NEK8: variants seen among roughly 807,000 people sequenced by gnomAD.
NEK8 encodes NIMA related kinase 8, also known as serine/threonine-protein kinase Nek8.
A neutral mutation model predicts 77.2 loss-of-function variants in NEK8; 51 were observed. The ratio of observed to expected loss-of-function variants is 0.66; its 90% CI spans 0.53 to 0.83. NEK8 has a LOEUF of 0.83. Among genes scored for constraint, NEK8 ranks in the 40% least tolerant of loss-of-function variants. The pLI is 0.00. For missense variants in NEK8, 787 were observed against 909.2 expected, an observed-to-expected ratio of 0.87 and a Z score of 1.73; for synonymous variants, 365 against 363.2, an observed-to-expected ratio of 1.00 and a Z score of -0.06.
rs752799407 is a variant in NEK8, at chr17:28,741,187, G to A, written c.1842G>A (p.Lys614=). The stretch of plus-strand genomic sequence containing the variant: ...AGGTCCAAGGCCTTGAGGGCATCAA[G>A]ATGGCAATGGTAGCCTGTGGGGATG... The part of the protein sequence containing the change: ...PCKVQGLEGI[K]MAMVACGDAF... Residue 614 remains lysine (K), a synonymous_variant, in exon 13 of 15, where the codon AAG becomes AAA. Coordinates refer to ENST00000268766, the MANE Select transcript of NEK8 (RefSeq NM_178170.3). This position sits in a 1 kb window ranked among gnomAD's most constrained non-coding sequence, Gnocchi z 4.5. 2 of 1,613,466 alleles carry A rather than the reference G, an allele frequency of 1.2e-6. No homozygotes were observed. The highest frequency in any genetic ancestry group is 4.5e-5 in the East Asian group (2 of 44,872).
rs371087767 is a variant in NEK8 at position 28,741,111 on chromosome 17, A to G, written c.1766A>G (p.Gln589Arg). 28 of 1,614,082 alleles carry G rather than the reference A, an allele frequency of 1.7e-5. No homozygotes were observed. Among genetic ancestry groups the G allele is most frequent in the Non-Finnish European group, 2.4e-5 (28 of 1,180,044 alleles). ...SGDCYTFGSNQHGQLGTNTRR... is the reference protein window; with the variant it reads ...SGDCYTFGSNRHGQLGTNTRR... ...GATTGCTACACTTTTGGCAGCAATC[A>G]GCACGGACAGTTGGGCACCAATACT... Residue 589 changes from glutamine to arginine, a missense_variant, in exon 13 of 15, where the codon CAG becomes CGG. By Grantham distance (43) the Gln-to-Arg change is conservative. Coordinates refer to ENST00000268766, the MANE Select transcript of NEK8 (RefSeq NM_178170.3). This position sits in a 1 kb window ranked among gnomAD's most constrained non-coding sequence, Gnocchi z 4.5.
Position 28,735,387 on chromosome 17 carries a change from C to T in NEK8, c.618+16C>T. 6 of 1,611,694 alleles carry T rather than the reference C, an allele frequency of 3.7e-6. No individual in the cohort carries two copies. Among genetic ancestry groups the T allele is most frequent in the Non-Finnish European group, 5.1e-6 (6 of 1,179,220 alleles). On this transcript the variant is annotated intron_variant, in intron 4 of 14. Transcript: ENST00000268766. ...CGAGGCTGCGGTGAGTGTATGCACCCTCCAGGGGACAACTGAGAAATCTAC... is the reference window on the plus strand; with the variant it reads ...CGAGGCTGCGGTGAGTGTATGCACCTTCCAGGGGACAACTGAGAAATCTAC...
chr17:28,739,854 T>C (rs751077712), intron 10 of NEK8, among the ~76,000 whole-genome samples: 9 of 152,184 alleles, frequency 5.9e-5, no homozygotes, highest in Admixed American at 1.3e-4. Flanking sequence ...GGACTCAGTC[T>C]AGTGGGAGAA....
chr17:28,733,507 T>G (rs1403954746), intron 1 of NEK8, among the ~76,000 whole-genome samples: 1 of 152,196 alleles, frequency 6.6e-6, no homozygotes. Flanking sequence ...AATGTTGTAG[T>G]CCCTGCTTTT....
In NEK8 at chr17:28,737,539, C is replaced by T. The variant is rs1183418203; in HGVS notation, c.827+25C>T. On this transcript the variant is annotated intron_variant, in intron 5 of 14. Coordinates refer to ENST00000268766, the MANE Select transcript of NEK8 (RefSeq NM_178170.3). This position sits in a 1 kb window ranked among gnomAD's most constrained non-coding sequence, Gnocchi z 4.8. The stretch of plus-strand genomic sequence containing the variant: ...GGCCTGTGCAGGGACAGCGAGCGGT[C>T]CTGGGCGGCAGGGTGTGGGCACCCA... 6.2e-7 allele frequency: 1 copy of T among 1,612,864 alleles called. No homozygotes were observed. The highest frequency in any genetic ancestry group is 8.5e-7 in the Non-Finnish European group (1 of 1,179,606).
intron 1 of NEK8, chr17:28,732,839 A>T (rs1186882342): frequency 2.0e-5 from 3 of 151,086 alleles, no homozygotes; most frequent in East Asian, 3.9e-4. Flanking sequence ...AGTGTGAGCC[A>T]TTTCGCCCGG....
chr17:28,732,871 C>T (rs1168062925), intron 1 of NEK8: 2 of 149,614 alleles, frequency 1.3e-5, no homozygotes, highest in African/African-American at 2.5e-5. Flanking sequence ...TTTCAAGTGT[C>T]TGTTTTTTTG....
chr17:28,740,898 A>G lies in NEK8; in HGVS notation c.1645A>G (p.Ser549Gly). The G allele has an allele frequency of 1.9e-6, 3 of 1,614,084 alleles. No homozygotes were observed. The highest frequency in any genetic ancestry group is 2.5e-6 in the Non-Finnish European group (3 of 1,180,018). The part of the protein sequence containing the change: ...VPHQQVEEAL[S>G]FTLLGSAPLD... ...CCACCAGCAAGTGGAGGAGGCCCTGAGCTTCACACTACTAGGCTCTGCACC... is the reference window on the plus strand; with the variant it reads ...CCACCAGCAAGTGGAGGAGGCCCTGGGCTTCACACTACTAGGCTCTGCACC... The change falls in exon 12 of 15, where the codon AGC becomes GGC. Residue 549 changes from serine to glycine, a missense_variant. Physicochemically the swap from Ser to Gly is moderately conservative, Grantham distance 56. Coordinates refer to ENST00000268766, the MANE Select transcript of NEK8 (RefSeq NM_178170.3). This position sits in a 1 kb window ranked among gnomAD's most constrained non-coding sequence, Gnocchi z 4.7.
rs2034423174 is a variant in NEK8 at position 28,741,528 on chromosome 17, T to G, written c.2007T>G (p.Thr669=). The change falls in exon 14 of 15, where the codon ACT becomes ACG. Residue 669 remains threonine (T), a synonymous_variant. Transcript: ENST00000268766. The surrounding 1 kb of genome is among the most constrained non-coding windows in gnomAD (Gnocchi z 4.5). ...QLDETHPYTV[T]SVSCCHGNTL... ...ATGAGACACACCCTTACACGGTGAC[T>G]TCCGTGTCCTGTTGCCATGGAAACA... is the stretch of plus-strand genomic sequence containing the variant. 2 of 1,614,030 alleles carry G rather than the reference T, an allele frequency of 1.2e-6. No homozygotes were observed. The highest frequency in any genetic ancestry group is 1.3e-5 in the African/African-American group (1 of 74,898).
At position 28,737,225 on chromosome 17, in the gene NEK8, T is replaced by C; in HGVS notation, c.619-81T>C. ...AGCATGATGCCTCCAGGCAAAGCTG[T>C]TATTATCCCAGGAGACCAGGGGCTG... On this transcript the variant is annotated intron_variant, in intron 4 of 14. Transcript: ENST00000268766. This position sits in a 1 kb window ranked among gnomAD's most constrained non-coding sequence, Gnocchi z 4.8. The C allele has an allele frequency of 7.0e-7, 1 of 1,430,580 alleles. No individual in the cohort carries two copies. Among genetic ancestry groups the C allele is most frequent in the South Asian group, 1.2e-5 (1 of 81,426 alleles). The allele number at this position is 1,430,580 out of a possible 1,614,324, so 88.6% of individuals were successfully genotyped here. A position where few individuals can be genotyped will look rare whatever the true frequency, so the allele number is the denominator to read the frequency against.
intron 4 of NEK8, among the ~76,000 whole-genome samples, chr17:28,735,927 TC>T (rs1246124388): frequency 1.1e-5 from 1 of 91,880 alleles, no homozygotes; most frequent in African/African-American, 4.3e-5. Flanking sequence ...CCCTTCCCCC[TC>T]CCCCCACCCC....
In NEK8 at chr17:28,734,133, C is replaced by T. The variant is rs779265033; in HGVS notation, c.198C>T (p.Tyr66=). 52 of 1,614,108 alleles carry T rather than the reference C, an allele frequency of 3.2e-5. No homozygotes were observed. The highest frequency in any genetic ancestry group is 3.9e-5 in the Non-Finnish European group (46 of 1,180,034). Residue 66 remains tyrosine, a synonymous_variant, in exon 2 of 15, where the codon TAC becomes TAT. Coordinates refer to ENST00000268766, the MANE Select transcript of NEK8 (RefSeq NM_178170.3). ...KLLNHPNVIE[Y]YENFLEDKAL... is the part of the protein sequence containing the mutation. Reference sequence around the variant, plus strand: ...TCAACCACCCCAATGTCATTGAGTACTACGAGAACTTCCTGGAAGACAAAG... The same window carrying T: ...TCAACCACCCCAATGTCATTGAGTATTACGAGAACTTCCTGGAAGACAAAG...
At chr17:28,728,884 A>C in intron 1 of NEK8, 24 bp downstream of exon 1, 1 of 1,542,792 alleles carries the variant, frequency 6.5e-7, no homozygotes, top group Non-Finnish European at 8.8e-7. Flanking sequence ...CTGGGGGAGG[A>C]AACTGCTAGG....
chr17:28,728,980 C>A, intron 1 of NEK8, 120 bp downstream of exon 1: 1 of 947,628 alleles, frequency 1.1e-6, no homozygotes, highest in Non-Finnish European at 1.6e-6. Flanking sequence ...CTCTGGGAAG[C>A]CCCGCCCAAG....
At position 28,738,667 on chromosome 17, in the gene NEK8, C is replaced by A; in HGVS notation, c.1223-4C>A. The A allele has an allele frequency of 6.2e-7, 1 of 1,613,788 alleles. No homozygotes were observed. Among genetic ancestry groups the A allele is most frequent in the Non-Finnish European group, 8.5e-7 (1 of 1,179,656 alleles). On this transcript the variant is annotated splice_region_variant and splice_polypyrimidine_tract_variant and intron_variant, in intron 8 of 14. Coordinates refer to ENST00000268766, the MANE Select transcript of NEK8 (RefSeq NM_178170.3). ...TTCTCCTTCCTCACTGCCCTTCTCC[C>A]CAGACAGAGGCATCATCATGACATT...
At position 28,732,289 on chromosome 17, in the gene NEK8, T is replaced by TA. The variant is rs980735011; in HGVS notation, c.48-1686dup. On this transcript the variant is annotated intron_variant, in intron 1 of 14. Coordinates refer to ENST00000268766, the MANE Select transcript of NEK8 (RefSeq NM_178170.3). ...GCCAACATAGTGAGACCCATATCTA[T>TA]AAAAAAAAGAAAAATAAATAAAAAA... 1.6e-3 allele frequency among the ~76,000 whole-genome samples: 239 copies of TA among 151,084 alleles called. 2 individuals are homozygous for TA. Among genetic ancestry groups the TA allele is most frequent in the African/African-American group, 5.0e-3 (205 of 41,132 alleles).
chr17:28,734,248 A>T, intron 2 of NEK8, 60 bp downstream of exon 2: 1 of 1,435,528 alleles, frequency 7.0e-7, no homozygotes, highest in Non-Finnish European at 9.8e-7. Flanking sequence ...GGACAGGCAG[A>T]CACAGATCTC....
At chr17:28,731,880 C>T (rs1248018316) in intron 1 of NEK8, among the ~76,000 whole-genome samples, 17 of 136,872 alleles carry the variant, frequency 1.2e-4, no homozygotes, top group Non-Finnish European at 3.0e-5. Context: ...CCTGGGATTA[C>T]AGGCGTGAGC....
chr17:28,730,915 C>A (rs1431768929), intron 1 of NEK8, among the ~76,000 whole-genome samples: 2 of 151,332 alleles, frequency 1.3e-5, no homozygotes, highest in Admixed American at 6.6e-5. Context: ...AGAGTGAGAA[C>A]CTATCTAAAA....
Sources: gnomAD v4.1 joint callset for allele counts (sites outside exome capture counted in the v4.1 genomes callset) on GRCh38, gnomAD v4.1.1 for gene constraint, Gnocchi (gnomAD v3.1) non-coding constraint, MANE v1.5 for transcripts, NCBI Gene and HGNC (gene_info 2026-07-23, HGNC 2026-07-21) for gene names.